Variants in PEX5L observed in about 807,000 individuals in gnomAD.
PEX5L encodes the protein PEX5-related protein.
In PEX5L, 30 loss-of-function variants were observed where a neutral mutation model predicts 84.0. That is an observed-to-expected ratio of 0.36 (90% CI 0.27 to 0.48). The LOEUF (loss-of-function observed/expected upper bound fraction) is 0.48, where lower values mean the gene tolerates loss of function less well. Ranked by LOEUF, PEX5L falls within the 20% of genes least tolerant of loss-of-function variation. The pLI is 0.99. For missense variants in PEX5L, 533 were observed against 754.6 expected, an observed-to-expected ratio of 0.71 and a Z score of 3.44; for synonymous variants, 270 against 283.1, an observed-to-expected ratio of 0.95 and a Z score of 0.46.
At chr3:179,821,621 C>A (rs1728556738) in intron 8 of PEX5L, among the ~76,000 whole-genome samples, 2 of 152,230 alleles carry the variant, frequency 1.3e-5, no homozygotes, top group African/African-American at 4.8e-5. Flanking sequence ...GCCCCTTTGG[C>A]AAAGGCCTCC....
chr3:179,935,975 C>T (rs184318081), intron 2 of PEX5L, among the ~76,000 whole-genome samples: 1 of 152,322 alleles, frequency 6.6e-6, no homozygotes, highest in Admixed American at 6.5e-5. Context: ...AGAAGCTGAG[C>T]AGATGCCAGC....
At chr3:179,891,183 A>G (rs1757510564) in intron 3 of PEX5L, among the ~76,000 whole-genome samples, 1 of 152,044 alleles carries the variant, frequency 6.6e-6, no homozygotes, top group Non-Finnish European at 1.5e-5. Context: ...TTCCACACCT[A>G]CTGTCTTGTT....
At chr3:179,943,927 C>G (rs566953699) in intron 2 of PEX5L, among the ~76,000 whole-genome samples, 1 of 152,198 alleles carries the variant, frequency 6.6e-6, no homozygotes, top group South Asian at 2.1e-4. Flanking sequence ...AACTGGGTAA[C>G]TCACACATTG....
chr3:179,991,750 A>G (rs1787396767), intron 1 of PEX5L, among the ~76,000 whole-genome samples: 1 of 152,148 alleles, frequency 6.6e-6, no homozygotes, highest in Non-Finnish European at 1.5e-5. Flanking sequence ...TCTTCTGTCT[A>G]AATAATTTCT....
At chr3:180,021,405 G>C (rs1476402147) in intron 1 of PEX5L, among the ~76,000 whole-genome samples, 2 of 152,192 alleles carry the variant, frequency 1.3e-5, no homozygotes, top group African/African-American at 4.8e-5. Context: ...TGTGGAATCA[G>C]AGTCCCAGGC....
At chr3:179,972,606 C>T (rs530739033) in intron 1 of PEX5L, among the ~76,000 whole-genome samples, 2 of 152,100 alleles carry the variant, frequency 1.3e-5, no homozygotes, top group Non-Finnish European at 2.9e-5. Flanking sequence ...TTAACTACAT[C>T]AACTTGAATT....
intron 1 of PEX5L, among the ~76,000 whole-genome samples, chr3:179,992,990 T>C (rs1787527589): frequency 6.6e-6 from 1 of 151,998 alleles, no homozygotes; most frequent in African/African-American, 2.4e-5. Context: ...AGTTAAAAGA[T>C]TGTATAATCA....
chr3:179,868,229 T>C (rs145643871), intron 7 of PEX5L, among the ~76,000 whole-genome samples: 1 of 152,020 alleles, frequency 6.6e-6, no homozygotes, highest in Non-Finnish European at 1.5e-5. Flanking sequence ...TCCTGGATCC[T>C]TTCCTCTTTA....
chr3:179,973,668 A>C (rs1785323883), intron 1 of PEX5L: 10 of 985,286 alleles, frequency 1.0e-5, no homozygotes, highest in African/African-American at 1.7e-5. Context: ...GTCAGCACTC[A>C]CAGAACATCA....
intron 7 of PEX5L, among the ~76,000 whole-genome samples, chr3:179,860,243 C>T (rs1441219967): frequency 6.6e-6 from 1 of 152,222 alleles, no homozygotes; most frequent in African/African-American, 2.4e-5. Flanking sequence ...TGAGTGCCCA[C>T]ATACGCCTAA....
chr3:179,934,222 T>C (rs1001034921), intron 2 of PEX5L, among the ~76,000 whole-genome samples: 1 of 152,234 alleles, frequency 6.6e-6, no homozygotes, highest in African/African-American at 2.4e-5. Flanking sequence ...GAGTAAAATT[T>C]GCATTTACAT....
chr3:179,996,219 C>T (rs773176837), intron 1 of PEX5L, among the ~76,000 whole-genome samples: 12 of 152,108 alleles, frequency 7.9e-5, no homozygotes, highest in Non-Finnish European at 1.3e-4. Flanking sequence ...AGGTGTGCTA[C>T]ACTCGAAAAG....
chr3:179,810,220 T>G (rs2108792665), intron 11 of PEX5L, among the ~76,000 whole-genome samples: 1 of 151,974 alleles, frequency 6.6e-6, no homozygotes, highest in Middle Eastern at 3.4e-3. Context: ...TTGGCCAGGC[T>G]GGTCTCAAAC....
At chr3:179,899,365 G>A (rs76933067) in intron 2 of PEX5L, among the ~76,000 whole-genome samples, 3,890 of 152,152 alleles carry the variant, frequency 0.026, 174 homozygotes, top group African/African-American at 0.089. Context: ...TATTTGTGTT[G>A]TAAATCTACT....
chr3:179,866,712 C>CTA (rs1192106340), intron 7 of PEX5L, among the ~76,000 whole-genome samples: 15 of 152,038 alleles, frequency 9.9e-5, no homozygotes, highest in African/African-American at 3.4e-4. Flanking sequence ...TCTTAAACAG[C>CTA]TAACAAACAT....
At chr3:179,935,158 T>A (rs1774238985) in intron 2 of PEX5L, among the ~76,000 whole-genome samples, 1 of 151,560 alleles carries the variant, frequency 6.6e-6, no homozygotes, top group South Asian at 2.1e-4. Context: ...GCTACCCTAG[T>A]CACAAAAATG....
At chr3:179,870,759 G>A in intron 7 of PEX5L, among the ~76,000 whole-genome samples, 1 of 152,070 alleles carries the variant, frequency 6.6e-6, no homozygotes, top group East Asian at 1.9e-4. Flanking sequence ...ACATCAATCC[G>A]TTTGCATGCC....
chr3:179,865,131 T>C (rs1354940625), intron 7 of PEX5L, among the ~76,000 whole-genome samples: 1 of 152,204 alleles, frequency 6.6e-6, no homozygotes, highest in African/African-American at 2.4e-5. Context: ...ACAGTTCATA[T>C]TCTCTTTGCC....
At chr3:179,946,251 T>C (rs183772997) in intron 2 of PEX5L, among the ~76,000 whole-genome samples, 1 of 152,270 alleles carries the variant, frequency 6.6e-6, no homozygotes, top group Admixed American at 6.5e-5. Flanking sequence ...CTGTATAATA[T>C]AGAGTAAGTG....
Sources: gnomAD v4.1 joint callset for allele counts (sites outside exome capture counted in the v4.1 genomes callset) on GRCh38, gnomAD v4.1.1 for gene constraint, MANE v1.5 for transcripts, NCBI Gene and HGNC (gene_info 2026-07-23, HGNC 2026-07-21) for gene names.